MTRR: variants seen among roughly 807,000 people sequenced by gnomAD.
The protein encoded by MTRR is methionine synthase reductase.
MTRR carries 63 observed loss-of-function variants against 79.2 expected under a neutral mutation model. The ratio of observed to expected loss-of-function variants is 0.80; its 90% confidence interval spans 0.65 to 0.98. The LOEUF (loss-of-function observed/expected upper bound fraction) is 0.98. Ranked by LOEUF, MTRR falls within the 50% of genes least tolerant of loss-of-function variation. The pLI, the probability that MTRR is intolerant of heterozygous loss-of-function variation, is 0.00. For missense variants in MTRR, 895 were observed against 839.6 expected (o/e 1.07, Z -0.82); for synonymous variants, 355 against 313.3 (o/e 1.13, Z -1.41).
At chr5:7,870,194 G>A in intron 1 of MTRR, 1 of 472,836 alleles carries the variant, frequency 2.1e-6, no homozygotes, top group Non-Finnish European at 2.8e-6. Context: ...TTTTTGATTT[G>A]CATTAAATAA....
At chr5:7,899,551 A>G (rs1447589559) in intron 14 of MTRR, among the ~76,000 whole-genome samples, 2 of 152,174 alleles carry the variant, frequency 1.3e-5, no homozygotes, top group East Asian at 3.9e-4. Context: ...GCACGAGTCT[A>G]CTGTGTGCTT....
intron 1 of MTRR, chr5:7,859,636 C>T: frequency 1.4e-6 from 1 of 716,516 alleles, no homozygotes; most frequent in Non-Finnish European, 2.3e-6. Flanking sequence ...CGCTTCCCCA[C>T]AGCGGAATGT....
intron 8 of MTRR, among the ~76,000 whole-genome samples, 200 bp from the exon 9 acceptor site, chr5:7,888,895 T>C (rs1213541904): frequency 6.6e-6 from 1 of 152,212 alleles, no homozygotes; most frequent in Non-Finnish European, 1.5e-5. Context: ...TATTTATTTA[T>C]TTATATTGTG....
chr5:7,869,274 C>G (rs1579577055), intron 1 of MTRR, 59 bp downstream of exon 1: 1 of 1,578,316 alleles, frequency 6.3e-7, no homozygotes, highest in Non-Finnish European at 8.5e-7. Flanking sequence ...CACTAATCTC[C>G]TGGGAGAGGC....
At chr5:7,862,746 G>T in intron 2 of MTRR, 1 of 1,254,792 alleles carries the variant, frequency 8.0e-7, no homozygotes, top group African/African-American at 1.5e-5. Context: ...AACTTCTATT[G>T]CTTCTAAGTC....
At chr5:7,877,905 A>G (rs1734846120) in intron 4 of MTRR, 39 bp from the exon 5 acceptor site, 13 of 1,606,146 alleles carry the variant, frequency 8.1e-6, no homozygotes, top group South Asian at 1.1e-5. Context: ...TGGAGAACTT[A>G]GGCATTTGTT....
intron 14 of MTRR, among the ~76,000 whole-genome samples, chr5:7,897,976 T>C (rs1021365260): frequency 7.9e-5 from 12 of 152,026 alleles, no homozygotes; most frequent in Non-Finnish European, 1.5e-4. Flanking sequence ...CCAGAACATA[T>C]GGATAAAGAT....
chr5:7,867,712 G>A, upstream of MTRR: 5 of 1,614,128 alleles, frequency 3.1e-6, no homozygotes, highest in Non-Finnish European at 4.2e-6. Flanking sequence ...TGTCAGGCAG[G>A]GTTTCCATCG....
At chr5:7,894,512 G>A (rs1295812487) in intron 11 of MTRR, among the ~76,000 whole-genome samples, 1 of 152,184 alleles carries the variant, frequency 6.6e-6, no homozygotes, top group African/African-American at 2.4e-5. Context: ...GCCCCAGAAC[G>A]TAGAAAGTGT....
Position 7,883,110 on chromosome 5 carries a change from A to G in MTRR, c.781-45A>G, listed in dbSNP as rs756712336. On this transcript the variant is annotated intron_variant, in intron 5 of 14. Transcript: ENST00000440940. ...CGTAGTCACTAATTGAAAGAAGGGT[A>G]TAATTGAAAATTGCACTTACGTTTT... 8 of 1,613,758 alleles carry G rather than the reference A, an allele frequency of 5.0e-6. No individual in the cohort carries two copies. In the South Asian group the frequency reaches 6.6e-5, roughly 13 times the overall value.
rs1289918231 is a variant in MTRR, at chr5:7,900,758, A to G, written c.*700A>G. Reference sequence around the variant, plus strand: ...CAGAATTTTGGGACATTTGCATTCAATTTACAGGTACCAGTACGTACATAT... The same window carrying G: ...CAGAATTTTGGGACATTTGCATTCAGTTTACAGGTACCAGTACGTACATAT... On this transcript the variant is annotated 3_prime_UTR_variant, in exon 15 of 15. Transcript: ENST00000440940. 6.5e-6 allele frequency: 1 copy of G among 152,682 alleles called. No individual in the cohort carries two copies. Among genetic ancestry groups the G allele is most frequent in the African/African-American group, 2.4e-5 (1 of 41,424 alleles). The allele number at this position is 152,682 out of a possible 1,614,324, so 9.5% of individuals were successfully genotyped here. A position where few individuals can be genotyped will look rare whatever the true frequency, so the allele number is the denominator to read the frequency against.
At chr5:7,850,975 T>G, upstream of MTRR, 3 of 1,313,466 alleles carry the variant, frequency 2.3e-6, no homozygotes, top group Non-Finnish European at 2.9e-6. Context: ...CGGCCTGGGC[T>G]TGCCCCGCAG....
intron 9 of MTRR, chr5:7,890,261 T>G: frequency 1.0e-6 from 1 of 985,284 alleles, no homozygotes; most frequent in South Asian, 4.7e-5. Flanking sequence ...TTTTTCTTAG[T>G]GTTTTTTCCA....
intron 14 of MTRR, among the ~76,000 whole-genome samples, chr5:7,897,527 T>TA (rs1292847395): frequency 2.0e-5 from 3 of 152,220 alleles, no homozygotes; most frequent in Admixed American, 6.5e-5. Flanking sequence ...ACACTCATGT[T>TA]ACTACATTAA....
intron 6 of MTRR, 33 bp from the exon 7 acceptor site, chr5:7,885,668 T>TA: frequency 7.8e-7 from 1 of 1,284,330 alleles, no homozygotes; most frequent in Non-Finnish European, 1.1e-6. Context: ...ACGTATAATG[T>TA]ATTTTTTTTT....
Position 7,878,269 on chromosome 5 carries a change from C to A in MTRR, c.727C>A (p.Pro243Thr), listed in dbSNP as rs1452107142. The stretch of plus-strand genomic sequence containing the variant: ...ACTCTCACAAGCCTCTCTGAATATT[C>A]CTGGTTTACCCCCAGAATATTTACA... ...PPLSQASLNI[P>T]GLPPEYLQVH... Residue 243 changes from proline to threonine, a missense_variant, in exon 5 of 15, where the codon CCT becomes ACT. Pro to Thr is a conservative substitution (Grantham distance 38, BLOSUM62 -1). Coordinates refer to ENST00000440940, the MANE Select transcript of MTRR (RefSeq NM_002454.3). 3.7e-6 allele frequency: 6 copies of A among 1,614,198 alleles called. No individual in the cohort carries two copies. Among genetic ancestry groups the A allele is most frequent in the Non-Finnish European group, 5.1e-6 (6 of 1,180,036 alleles).
chr5:7,870,326 A>G (rs1284151175), intron 1 of MTRR: 1 of 186,330 alleles, frequency 5.4e-6, no homozygotes, highest in East Asian at 1.3e-4. Flanking sequence ...CTTTTTTTAA[A>G]AAGAGGAAAC....
chr5:7,870,837 G>T lies in MTRR; in HGVS notation c.43G>T (p.Ala15Ser), dbSNP rs777323334. 3.1e-6 allele frequency: 5 copies of T among 1,614,108 alleles called. No homozygotes were observed. Among genetic ancestry groups the T allele is most frequent in the Non-Finnish European group, 3.4e-6 (4 of 1,180,050 alleles). The change falls in exon 2 of 15, where the codon GCA becomes TCA. Residue 15 changes from alanine to serine, a missense_variant. Physicochemically the swap from Ala to Ser is moderately conservative, Grantham distance 99. Coordinates refer to ENST00000440940, the MANE Select transcript of MTRR (RefSeq NM_002454.3). ...ACTATATGCTACACAGCAGGGACAG[G>T]CAAAGGCCATCGCAGAAGAAATATG... Reference protein sequence around the residue: ...LLLYATQQGQAKAIAEEICEQ... With the variant: ...LLLYATQQGQSKAIAEEICEQ...
chr5:7,895,883 G>A (rs1162802350), intron 12 of MTRR, 31 bp downstream of exon 12: 3 of 1,613,390 alleles, frequency 1.9e-6, no homozygotes, highest in East Asian at 2.2e-5. Flanking sequence ...ATGGGAAAAT[G>A]TATTCCTGAG....
Sources: gnomAD v4.1 joint callset for allele counts (sites outside exome capture counted in the v4.1 genomes callset) on GRCh38, gnomAD v4.1.1 for gene constraint, MANE v1.5 for transcripts, NCBI Gene and HGNC (gene_info 2026-07-23, HGNC 2026-07-21) for gene names.